The following PTPRD variants were observed in gnomAD, a reference collection of about 807,000 sequenced individuals.
The protein encoded by PTPRD is protein tyrosine phosphatase receptor type D, also known as receptor-type tyrosine-protein phosphatase delta.
PTPRD carries 34 observed loss-of-function variants against 214.5 expected under a neutral mutation model. That is an observed-to-expected ratio of 0.16 (90% CI 0.12 to 0.21). PTPRD has a LOEUF of 0.21. Among genes scored for constraint, PTPRD ranks in the 10% least tolerant of loss-of-function variants. PTPRD has a pLI of 1.00. For synonymous variants in PTPRD, 1,128 were observed against 845.7 expected (o/e 1.33, Z -5.79); for missense variants, 2,545 against 2,398.7 (o/e 1.06, Z -1.27).
chr9:8,422,495 C>T (rs1223048180), intron 35 of PTPRD, among the ~76,000 whole-genome samples: 1 of 152,120 alleles, frequency 6.6e-6, no homozygotes, highest in Non-Finnish European at 1.5e-5. Context: ...TAGATGTAAA[C>T]TTGCAGAGAC....
At chr9:9,333,953 G>A (rs1464853720) in intron 9 of PTPRD, among the ~76,000 whole-genome samples, 3 of 151,808 alleles carry the variant, frequency 2.0e-5, no homozygotes, top group Non-Finnish European at 4.4e-5. Context: ...CCTCAATGTC[G>A]TGCGTTCCAC....
intron 5 of PTPRD, among the ~76,000 whole-genome samples, chr9:9,923,386 G>C (rs553125699): frequency 3.3e-5 from 5 of 150,270 alleles, no homozygotes; most frequent in Non-Finnish European, 7.4e-5. Flanking sequence ...AATGCAGAAG[G>C]TCCAATGGCT....
At chr9:9,434,407 A>G (rs1421681705) in intron 8 of PTPRD, among the ~76,000 whole-genome samples, 1 of 152,174 alleles carries the variant, frequency 6.6e-6, no homozygotes, top group Non-Finnish European at 1.5e-5. Flanking sequence ...CATGCATTGG[A>G]AGAATGAATA....
At chr9:9,237,284 C>T (rs1208668925) in intron 9 of PTPRD, among the ~76,000 whole-genome samples, 1 of 152,022 alleles carries the variant, frequency 6.6e-6, no homozygotes, top group East Asian at 1.9e-4. Flanking sequence ...ACTAACCTTA[C>T]CTGGGCATGA....
intron 7 of PTPRD, among the ~76,000 whole-genome samples, chr9:9,694,309 T>C (rs1011031636): frequency 1.3e-5 from 2 of 152,114 alleles, no homozygotes; most frequent in Non-Finnish European, 2.9e-5. Flanking sequence ...TGCAGACTTG[T>C]AGTGGTACTC....
At chr9:9,330,560 T>C (rs1726612695) in intron 9 of PTPRD, among the ~76,000 whole-genome samples, 1 of 152,102 alleles carries the variant, frequency 6.6e-6, no homozygotes, top group African/African-American at 2.4e-5. Context: ...TAAGTAATAT[T>C]ATTAAAAGTC....
At chr9:9,631,061 G>T (rs1004823462) in intron 7 of PTPRD, among the ~76,000 whole-genome samples, 2 of 152,038 alleles carry the variant, frequency 1.3e-5, no homozygotes, top group African/African-American at 4.8e-5. Flanking sequence ...AAACAATAAA[G>T]ACTGTATAAA....
At chr9:9,618,071 C>CAAAAAAAAAAAAA (rs34125624) in intron 7 of PTPRD, among the ~76,000 whole-genome samples, 6 of 23,028 alleles carry the variant, frequency 2.6e-4, no homozygotes, top group African/African-American at 5.9e-4. Context: ...GACTCCATCT[C>CAAAAAAAAAAAAA]AAAAAAAAAA....
At chr9:9,412,477 G>A (rs1046139924) in intron 8 of PTPRD, among the ~76,000 whole-genome samples, 2 of 151,930 alleles carry the variant, frequency 1.3e-5, no homozygotes, top group Admixed American at 6.6e-5. Flanking sequence ...CATCCCCCAA[G>A]GCCATTATAA....
At chr9:10,054,883 C>A (rs928989449) in intron 3 of PTPRD, among the ~76,000 whole-genome samples, 1 of 151,848 alleles carries the variant, frequency 6.6e-6, no homozygotes, top group Non-Finnish European at 1.5e-5. Flanking sequence ...GTCCTCATAC[C>A]CTGTGTGATG....
At chr9:10,478,395 T>C (rs1334366260) in intron 2 of PTPRD, among the ~76,000 whole-genome samples, 2 of 152,224 alleles carry the variant, frequency 1.3e-5, no homozygotes, top group Admixed American at 1.3e-4. Context: ...ACGGCCTTGA[T>C]ACCTGTACAA....
In PTPRD at chr9:9,020,609, A is replaced by C. The variant is rs1028659075; in HGVS notation, c.-142-1874T>G. Among the ~76,000 whole-genome samples, 9 of 152,204 alleles carry C rather than the reference A, an allele frequency of 5.9e-5. No individual in the cohort carries two copies. In the East Asian group the frequency reaches 1.7e-3, roughly 29 times the overall value. ...TTTTCTGAGGTGGTAAAGACTGAGA[A>C]TATAATAAGATTTAAGTGGAATACA... On this transcript the variant is annotated intron_variant, in intron 10 of 45. Coordinates refer to ENST00000381196, the MANE Select transcript of PTPRD (RefSeq NM_002839.4).
intron 4 of PTPRD, among the ~76,000 whole-genome samples, chr9:10,005,395 T>C (rs958252613): frequency 6.6e-6 from 1 of 152,150 alleles, no homozygotes; most frequent in African/African-American, 2.4e-5. Context: ...GCTCAGTTCC[T>C]GCGGACTGCT....
intron 5 of PTPRD, among the ~76,000 whole-genome samples, chr9:9,873,052 T>C (rs1336737026): frequency 6.6e-6 from 1 of 152,136 alleles, no homozygotes; most frequent in Non-Finnish European, 1.5e-5. Context: ...ATAATCTATA[T>C]AATAGGATTA....
intron 11 of PTPRD, among the ~76,000 whole-genome samples, chr9:8,966,218 C>T (rs1208393435): frequency 6.6e-6 from 1 of 151,896 alleles, no homozygotes; most frequent in Non-Finnish European, 1.5e-5. Flanking sequence ...ATCAAATTTC[C>T]AACATCATTT....
chr9:9,598,716 T>C (rs956361633), intron 7 of PTPRD, among the ~76,000 whole-genome samples: 1 of 152,082 alleles, frequency 6.6e-6, no homozygotes, highest in African/African-American at 2.4e-5. Context: ...TGTCCCATTA[T>C]TGGTAAGCAT....
chr9:9,336,325 T>G (rs2044465808), intron 9 of PTPRD, among the ~76,000 whole-genome samples: 1 of 152,162 alleles, frequency 6.6e-6, no homozygotes. Context: ...CAGAATCCTT[T>G]GCCCATGTGA....
chr9:9,124,335 A>G (rs2099821425), intron 10 of PTPRD, among the ~76,000 whole-genome samples: 1 of 152,138 alleles, frequency 6.6e-6, no homozygotes. Context: ...TATCTATCTA[A>G]TCATTTCCTT....
chr9:8,315,722 C>G lies in PTPRD; in HGVS notation c.*2152G>C, dbSNP rs1232725739. The stretch of plus-strand genomic sequence containing the variant: ...CAAATGTTTGGTCTCTTGGATTTCA[C>G]TCTGCTAGCAATGGGAAAATGTGGA... On this transcript the variant is annotated 3_prime_UTR_variant, in exon 46 of 46. Transcript: ENST00000381196. 1.7e-5 allele frequency: 4 copies of G among 228,628 alleles called. No individual in the cohort carries two copies. Among genetic ancestry groups the G allele is most frequent in the Non-Finnish European group, 3.5e-5 (4 of 115,142 alleles). 14.2% of individuals were successfully genotyped at this position (228,628 alleles called of 1,614,324 possible). A position where few individuals can be genotyped will look rare whatever the true frequency, so the allele number is the denominator to read the frequency against.
Sources: gnomAD v4.1 joint callset for allele counts (sites outside exome capture counted in the v4.1 genomes callset) on GRCh38, gnomAD v4.1.1 for gene constraint, MANE v1.5 for transcripts, NCBI Gene and HGNC (gene_info 2026-07-23, HGNC 2026-07-21) for gene names.